Variants in DUOX2 observed in about 807,000 individuals in gnomAD.
DUOX2 encodes the protein NADH/NADPH thyroid oxidase p138-tox.
DUOX2 carries 185 observed loss-of-function variants against 183.3 expected under a neutral mutation model. That is an observed-to-expected ratio of 1.01 (90% CI 0.90 to 1.14). DUOX2 has a LOEUF of 1.14. Among genes scored for constraint, DUOX2 ranks in the 50% most tolerant of loss-of-function variants. The probability of loss-of-function intolerance (pLI) is 0.00; values close to 1 mark genes in which losing one functional copy is unlikely to be tolerated. For missense variants in DUOX2, 1,999 were observed against 2,022.9 expected (o/e 0.99, Z 0.23); for synonymous variants, 788 against 812.4 (o/e 0.97, Z 0.51).
chr15:45,106,242 C>G lies in DUOX2; in HGVS notation c.2031G>C (p.Arg677Ser), dbSNP rs199896919. The G allele has an allele frequency of 6.8e-6, 11 of 1,613,990 alleles. No individual in the cohort carries two copies. The African/African-American group carries it at 8.0e-5, about 12-fold the overall frequency. ...GGACCACACGGAGCACAGTGAGATG[C>G]CTGTTCAGGACCTGCAGACACCTGT... ...LSDRCLQVLN[R>S]HLTVLRVVQL... The change falls in exon 17 of 34, where the codon AGG (arginine) becomes AGC (serine). Residue 677 changes from arginine (R) to serine (S), a missense_variant. Transcript: ENST00000389039.
Position 45,099,455 on chromosome 15 carries a change from T to C in DUOX2, c.3443A>G (p.Asn1148Ser), listed in dbSNP as rs1894004004. Residue 1148 changes from asparagine to serine, a missense_variant, in exon 26 of 34, where the codon AAT (asparagine) becomes AGT (serine). By Grantham distance (46) the Asn-to-Ser change is conservative (BLOSUM62 1). Transcript: ENST00000389039. Reference protein sequence around the residue: ...AILHSAGHAVNVYIFSVSPLS... With the variant: ...AILHSAGHAVSVYIFSVSPLS... ...TGGGCTGACTGAGAAGATGTAGACA[T>C]TGACTGCGTGGCCAGCACTGTGCAA... The C allele has an allele frequency of 6.2e-7, 1 of 1,614,012 alleles. No individual in the cohort carries two copies.
intron 29 of DUOX2, 40 bp from the exon 30 acceptor site, chr15:45,096,100 C>T (rs1893894639): frequency 2.6e-6 from 4 of 1,560,814 alleles, no homozygotes; most frequent in South Asian, 2.2e-5. Context: ...ATGAGAAGGC[C>T]TGCTCCTGGT....
At chr15:45,094,387 G>A in intron 33 of DUOX2, 115 bp from the exon 34 acceptor site, 1 of 1,567,062 alleles carries the variant, frequency 6.4e-7, no homozygotes, top group Non-Finnish European at 8.7e-7. Flanking sequence ...CCCAGGCCTT[G>A]AGGAGGAGGC....
At chr15:45,109,425 C>A in intron 11 of DUOX2, 99 bp downstream of exon 11, 1 of 974,544 alleles carries the variant, frequency 1.0e-6, no homozygotes, top group Non-Finnish European at 1.7e-6. Flanking sequence ...TATCTGTGTT[C>A]CTGCATCGTG....
At chr15:45,112,789 C>G (rs1488798856) in intron 3 of DUOX2, 71 bp from the exon 4 acceptor site, 1 of 1,597,846 alleles carries the variant, frequency 6.3e-7, no homozygotes, top group East Asian at 2.2e-5. Flanking sequence ...TCTCCCTAAG[C>G]CTCCCTCAAC....
chr15:45,099,238 C>T, intron 26 of DUOX2, 145 bp downstream of exon 26: 6 of 656,222 alleles, frequency 9.1e-6, no homozygotes, highest in Non-Finnish European at 1.1e-5. Flanking sequence ...TCTCGATCTC[C>T]TGACCTCGTG....
At chr15:45,098,205 TTG>T (rs1566972102) in intron 26 of DUOX2, 147 bp from the exon 27 acceptor site, 9 of 731,396 alleles carry the variant, frequency 1.2e-5, no homozygotes, top group Non-Finnish European at 9.4e-6. Context: ...TCCAAGGAAC[TTG>T]GCACCCAGGC....
rs1894431218 is a variant in DUOX2, at chr15:45,111,883, A to T, written c.398T>A (p.Ile133Asn). The change falls in exon 5 of 34, where the codon ATC (isoleucine) becomes AAC (asparagine). Residue 133 changes from isoleucine to asparagine, a missense_variant. By Grantham distance (149) the Ile-to-Asn change is moderately radical. Transcript: ENST00000389039. ...GTCGAACACGGGGTCTCCAGGTGGG[A>T]TGCGGATGTTGAGGAACTCGGCGGG... ...GCPAEFLNIR[I>N]PPGDPVFDPD... 1.2e-6 allele frequency: 2 copies of T among 1,613,854 alleles called. No individual in the cohort carries two copies. Among genetic ancestry groups the T allele is most frequent in the East Asian group, 4.5e-5 (2 of 44,872 alleles).
intron 22 of DUOX2, 115 bp downstream of exon 22, chr15:45,101,090 C>T (rs1894069285): frequency 2.0e-6 from 2 of 986,676 alleles, no homozygotes; most frequent in Non-Finnish European, 3.2e-6. Flanking sequence ...CCATGAGCTA[C>T]TTTCAAAGGG....
intron 18 of DUOX2, among the ~76,000 whole-genome samples, chr15:45,105,053 TTA>T (rs1894178006): frequency 1.3e-5 from 2 of 152,222 alleles, no homozygotes; most frequent in African/African-American, 4.8e-5. Flanking sequence ...ACTCCTGACC[TTA>T]GGTGATCTGC....
At position 45,094,275 on chromosome 15, in the gene DUOX2, G is replaced by T; in HGVS notation, c.4525-3C>A. Reference sequence around the variant, plus strand: ...CTGAACACCCCGATCTTGCGCACCTGTCAGGAGATTGGAGAGAGAGAGGGG... The same window carrying T: ...CTGAACACCCCGATCTTGCGCACCTTTCAGGAGATTGGAGAGAGAGAGGGG... On this transcript the variant is annotated splice_region_variant and splice_polypyrimidine_tract_variant and intron_variant, in intron 33 of 33. Coordinates refer to ENST00000389039, the MANE Select transcript of DUOX2 (RefSeq NM_001363711.2). The T allele has an allele frequency of 1.2e-5, 20 of 1,614,160 alleles. No individual in the cohort carries two copies. The highest frequency in any genetic ancestry group is 1.6e-5 in the Non-Finnish European group (19 of 1,180,026).
chr15:45,110,894 G>T (rs912633708), intron 7 of DUOX2, among the ~76,000 whole-genome samples, 184 bp from the exon 8 acceptor site: 12 of 151,288 alleles, frequency 7.9e-5, no homozygotes, highest in Admixed American at 7.2e-4. Context: ...TGAGGGAGTG[G>T]GGGTTGGGGA....
intron 21 of DUOX2, chr15:45,101,513 A>G (rs112195377): frequency 3.2e-6 from 2 of 627,128 alleles, no homozygotes; most frequent in Admixed American, 2.7e-5. Context: ...TGTGTAAAAG[A>G]AACAATGCCT....
rs1457453810 is a variant in DUOX2 at position 45,112,557 on chromosome 15, AG to A, written c.321del (p.Phe108LeufsTer10). The A allele has an allele frequency of 6.2e-7, 1 of 1,612,760 alleles. No homozygotes were observed. Among genetic ancestry groups the A allele is most frequent in the Non-Finnish European group, 8.5e-7 (1 of 1,179,674 alleles). On this transcript the variant is annotated frameshift_variant, in exon 4 of 34. Coordinates refer to ENST00000389039, the MANE Select transcript of DUOX2 (RefSeq NM_001363711.2). LOFTEE classifies it high-confidence loss of function. ...TGGTCTCCCCCTTTGCCCTCACCAAAGAAGACCCCCAGTACGGTGCGGTTGT... is the reference window on the plus strand; with the variant it reads ...TGGTCTCCCCCTTTGCCCTCACCAAAAAGACCCCCAGTACGGTGCGGTTGT... The part of the protein sequence containing the change: ...SLHNRTVLGV[F>X]FGYHVLSDVV...
At chr15:45,113,284 G>A (rs1595530470) in intron 2 of DUOX2, 58 bp downstream of exon 2, 1 of 1,538,012 alleles carries the variant, frequency 6.5e-7, no homozygotes, top group Non-Finnish European at 8.8e-7. Context: ...ACCTCTCCCC[G>A]CCCCACCTCC....
At position 45,108,127 on chromosome 15, in the gene DUOX2, G is replaced by A. The variant is rs778231440; in HGVS notation, c.1494C>T (p.Pro498=). ...GGTCGAGGACAATGGCACTGAACAGGGGTCCAGGGTCCCCATGGCTCTCCA... is the reference window on the plus strand; with the variant it reads ...GGTCGAGGACAATGGCACTGAACAGAGGTCCAGGGTCCCCATGGCTCTCCA... ...GLLESHGDPG[P]LFSAIVLDQF... Residue 498 remains proline, a synonymous_variant, in exon 13 of 34, where the codon CCC becomes CCT. Coordinates refer to ENST00000389039, the MANE Select transcript of DUOX2 (RefSeq NM_001363711.2). The A allele has an allele frequency of 1.9e-6, 3 of 1,614,108 alleles. No individual in the cohort carries two copies. Among genetic ancestry groups the A allele is most frequent in the Non-Finnish European group, 2.5e-6 (3 of 1,179,996 alleles).
At chr15:45,104,459 A>C (rs374814863) in intron 18 of DUOX2, 94 bp from the exon 19 acceptor site, 1 of 1,506,796 alleles carries the variant, frequency 6.6e-7, no homozygotes. Context: ...CCCAAAGTCC[A>C]AATCAGAAAG....
Position 45,095,923 on chromosome 15 carries a change from G to A in DUOX2, c.3985C>T (p.Leu1329Phe). Residue 1329 changes from leucine to phenylalanine, a missense_variant, in exon 30 of 34, where the codon CTC becomes TTC. Physicochemically the swap from Leu to Phe is conservative, Grantham distance 22. Coordinates refer to ENST00000389039, the MANE Select transcript of DUOX2 (RefSeq NM_001363711.2). Reference protein sequence around the residue: ...TLTSAPHEDTLSLHIRAVGPW... With the variant: ...TLTSAPHEDTFSLHIRAVGPW... ...CCCACTGCCCGGATGTGCAGGCTGA[G>A]TGTGTCCTCATGGGGCGCGGAGGTC... The A allele has an allele frequency of 6.2e-7, 1 of 1,614,078 alleles. No homozygotes were observed. The highest frequency in any genetic ancestry group is 8.5e-7 in the Non-Finnish European group (1 of 1,180,006).
chr15:45,099,257 A>G lies in DUOX2; in HGVS notation c.3515+126T>C, dbSNP rs56833067. The G allele has an allele frequency of 0.11, 84,861 of 746,618 alleles. 11,777 individuals carry two copies. Among genetic ancestry groups the G allele is most frequent in the African/African-American group, 0.57 (32,496 of 56,936 alleles). The allele number at this position is 746,618 out of a possible 1,614,324, so 46.2% of individuals were successfully genotyped here. A position where few individuals can be genotyped will look rare whatever the true frequency, so the allele number is the denominator to read the frequency against. ...GATCTCCTGACCTCGTGATCCGCCC[A>G]CCTCGGCCTCCCAAAGTGCTGGGAT... On this transcript the variant is annotated intron_variant, in intron 26 of 33. Transcript: ENST00000389039.
Sources: gnomAD v4.1 joint callset for allele counts (sites outside exome capture counted in the v4.1 genomes callset) on GRCh38, gnomAD v4.1.1 for gene constraint, MANE v1.5 for transcripts, NCBI Gene and HGNC (gene_info 2026-07-23, HGNC 2026-07-21) for gene names.